KIFC3: variants seen among roughly 807,000 people sequenced by gnomAD.
The protein encoded by KIFC3 is kinesin-like protein KIFC3.
Under a neutral mutation model 101.8 loss-of-function variants are expected in KIFC3, and 60 were observed. The observed-to-expected ratio is 0.59, with a 90% CI of 0.48 to 0.73. The LOEUF is 0.73. Ranked by LOEUF, KIFC3 falls within the 30% of genes least tolerant of loss-of-function variation. The pLI is 0.00. For missense variants in KIFC3, 966 were observed against 1,137.1 expected (o/e 0.85, Z 2.16); for synonymous variants, 476 against 482.7 (o/e 0.99, Z 0.18).
chr16:57,816,141 G>A, intron 1 of KIFC3: 1 of 1,191,516 alleles, frequency 8.4e-7, no homozygotes, highest in Non-Finnish European at 1.1e-6. Flanking sequence ...CCTGCTACCT[G>A]AGCTGCTGGG....
chr16:57,820,218 A>G (rs1470545806), intron 1 of KIFC3, among the ~76,000 whole-genome samples: 2 of 152,216 alleles, frequency 1.3e-5, no homozygotes, highest in Non-Finnish European at 1.5e-5. Context: ...TCTGCCTGGG[A>G]TGCCATTCCT....
intron 1 of KIFC3, among the ~76,000 whole-genome samples, chr16:57,821,970 G>C (rs1555629976): frequency 2.6e-5 from 4 of 152,116 alleles, no homozygotes; most frequent in Non-Finnish European, 4.4e-5. Flanking sequence ...CAACTCTTCA[G>C]GAGGCTGAGG....
intron 17 of KIFC3, 69 bp from the exon 18 acceptor site, chr16:57,759,905 C>T: frequency 1.7e-6 from 2 of 1,188,934 alleles, no homozygotes; most frequent in Non-Finnish European, 2.4e-6. Flanking sequence ...CTGTGCTTCT[C>T]TCTACTCCCC....
chr16:57,789,719 C>CTTTGT (rs578030285), intron 3 of KIFC3, among the ~76,000 whole-genome samples: 96 of 150,548 alleles, frequency 6.4e-4, no homozygotes, highest in African/African-American at 2.2e-3. Context: ...GACTGTGTTT[C>CTTTGT]TTTGTTTTGT....
intron 1 of KIFC3, among the ~76,000 whole-genome samples, chr16:57,847,116 C>G (rs557908316): frequency 6.7e-6 from 1 of 150,312 alleles, no homozygotes. Context: ...ACACGGGAGG[C>G]GGGGGTTACA....
chr16:57,770,582 T>C lies in KIFC3; in HGVS notation c.884A>G (p.Glu295Gly). The C allele has an allele frequency of 1.3e-6, 2 of 1,518,760 alleles. No individual in the cohort carries two copies. The highest frequency in any genetic ancestry group is 2.6e-5 in the East Asian group (1 of 39,186). The allele number at this position is 1,518,760 out of a possible 1,614,324, so 94.1% of individuals were successfully genotyped here. A position where few individuals can be genotyped will look rare whatever the true frequency, so the allele number is the denominator to read the frequency against. The part of the protein sequence containing the change: ...QVAMQRQVLK[E>G]MEQQLQSSHQ... ...TGAGCTCTGCAGCTGCTGTTCCATC[T>C]CCTTCAGCACCTGCCTCTGCATAGC... Residue 295 changes from glutamate (E) to glycine (G), a missense_variant, in exon 7 of 20, where the codon GAG (glutamate) becomes GGG (glycine). By Grantham distance (98) the Glu-to-Gly change is moderately conservative. Coordinates refer to ENST00000445690, the MANE Select transcript of KIFC3 (RefSeq NM_001130100.2).
chr16:57,840,026 C>T (rs2055771062), intron 1 of KIFC3, among the ~76,000 whole-genome samples: 1 of 152,118 alleles, frequency 6.6e-6, no homozygotes, highest in South Asian at 2.1e-4. Flanking sequence ...AGTAAATGGC[C>T]ACAGTTGCTC....
At chr16:57,824,935 C>A (rs1360315670) in intron 1 of KIFC3, among the ~76,000 whole-genome samples, 3 of 152,182 alleles carry the variant, frequency 2.0e-5, no homozygotes, top group African/African-American at 7.2e-5. Context: ...TGAGCCAGCA[C>A]CATTGGCACC....
rs2055085346 is a variant in KIFC3 at position 57,811,890 on chromosome 16, T to C, written c.109-13608A>G. ...AGATTGTGATTGTGCCACTGCACTC[T>C]AGCCTAGGTGACAGCAAGACTCCGT... On this transcript the variant is annotated intron_variant, in intron 1 of 2. Coordinates refer to the KIFC3 transcript ENST00000563028. Among the ~76,000 whole-genome samples, 6 of 143,358 alleles carry C rather than the reference T, an allele frequency of 4.2e-5. No homozygotes were observed. The Admixed American group carries it at 4.3e-4, about 10-fold the overall frequency. The allele number at this position is 143,358 out of a possible 152,430, so 94.0% of individuals were successfully genotyped here.
chr16:57,771,759 A>G (rs2051253118), intron 4 of KIFC3, 73 bp from the exon 5 acceptor site: 2 of 1,517,350 alleles, frequency 1.3e-6, no homozygotes, highest in African/African-American at 1.4e-5. Flanking sequence ...AGGCCCGCGG[A>G]GATGGCACAA....
intron 1 of KIFC3, among the ~76,000 whole-genome samples, chr16:57,832,928 C>A (rs2055613555): frequency 6.6e-6 from 1 of 152,146 alleles, no homozygotes; most frequent in African/African-American, 2.4e-5. Context: ...TATAAGCCGG[C>A]CAGGCTCGGT....
chr16:57,813,914 C>G (rs2081249), intron 1 of KIFC3: 2 of 951,298 alleles, frequency 2.1e-6, no homozygotes, highest in East Asian at 2.3e-4. Context: ...ACCCTGGCAC[C>G]GGGTAGGGGC....
At chr16:57,853,730 C>T (rs1352119055) in intron 1 of KIFC3, among the ~76,000 whole-genome samples, 1 of 152,282 alleles carries the variant, frequency 6.6e-6, no homozygotes, top group African/African-American at 2.4e-5. Flanking sequence ...CTCCCAGGTT[C>T]AAGCAATTCT....
At position 57,761,189 on chromosome 16, in the gene KIFC3, G is replaced by T; in HGVS notation, c.1873-18C>A. ...TCAAACACCTGGGGGATTGGGAGGA[G>T]GGCAGAGGCACAGCGTTGAGAATGG... On this transcript the variant is annotated intron_variant, in intron 14 of 19. Transcript: ENST00000445690. 1.2e-6 allele frequency: 2 copies of T among 1,613,010 alleles called. No individual in the cohort carries two copies. Among genetic ancestry groups the T allele is most frequent in the South Asian group, 1.1e-5 (1 of 90,998 alleles).
chr16:57,807,193 G>A (rs2054956539), upstream of KIFC3, among the ~76,000 whole-genome samples: 1 of 151,900 alleles, frequency 6.6e-6, no homozygotes, highest in South Asian at 2.1e-4. Context: ...CTCCAGCCTG[G>A]GCAACAGAGC....
intron 1 of KIFC3, among the ~76,000 whole-genome samples, chr16:57,808,507 A>G (rs1555627352): frequency 1.3e-5 from 2 of 151,024 alleles, no homozygotes; most frequent in Non-Finnish European, 3.0e-5. Flanking sequence ...ACTTCTCCCC[A>G]CCTGCTGCAA....
At position 57,771,771 on chromosome 16, in the gene KIFC3, G is replaced by A. The variant is rs1172597359; in HGVS notation, c.382-85C>T. On this transcript the variant is annotated intron_variant, in intron 4 of 19. Coordinates refer to ENST00000445690, the MANE Select transcript of KIFC3 (RefSeq NM_001130100.2). Reference sequence around the variant, plus strand: ...GAGAGGCCCGCGGAGATGGCACAAGGGCAGGGAAGAGAGGAGAGGTGTGGA... The same window carrying A: ...GAGAGGCCCGCGGAGATGGCACAAGAGCAGGGAAGAGAGGAGAGGTGTGGA... 3.4e-6 allele frequency: 5 copies of A among 1,480,812 alleles called. No homozygotes were observed. The African/African-American group carries it at 4.2e-5, about 12-fold the overall frequency. The allele number at this position is 1,480,812 out of a possible 1,614,324, so 91.7% of individuals were successfully genotyped here. A position where few individuals can be genotyped will look rare whatever the true frequency, so the allele number is the denominator to read the frequency against.
chr16:57,853,392 C>T (rs2056097598), intron 1 of KIFC3, among the ~76,000 whole-genome samples: 1 of 151,264 alleles, frequency 6.6e-6, no homozygotes, highest in Non-Finnish European at 1.5e-5. Context: ...GCACTCCAGC[C>T]TGGGTGACAG....
intron 3 of KIFC3, 89 bp downstream of exon 3, chr16:57,794,910 G>A: frequency 1.5e-6 from 2 of 1,290,768 alleles, no homozygotes; most frequent in Non-Finnish European, 2.0e-6. Context: ...CTCCCCAGGT[G>A]CTTCCTACCC....
Sources: gnomAD v4.1 joint callset for allele counts (sites outside exome capture counted in the v4.1 genomes callset) on GRCh38, gnomAD v4.1.1 for gene constraint, MANE v1.5 for transcripts, NCBI Gene and HGNC (gene_info 2026-07-23, HGNC 2026-07-21) for gene names.